The following TSPAN33 variants were observed in gnomAD, a reference collection of about 807,000 sequenced individuals.
TSPAN33 encodes tetraspanin-33.
Under a neutral mutation model 34.8 loss-of-function variants are expected in TSPAN33, and 27 were observed. The ratio of observed to expected loss-of-function variants is 0.78; its 90% CI spans 0.57 to 1.07. The LOEUF (loss-of-function observed/expected upper bound fraction) is 1.07, where lower values mean the gene tolerates loss of function less well. Among genes scored for constraint, TSPAN33 ranks in the 50% least tolerant of loss-of-function variants. TSPAN33 has a pLI of 0.00. For synonymous variants in TSPAN33, 119 were observed against 124.2 expected, an observed-to-expected ratio of 0.96 and a Z score of 0.28; for missense variants, 272 against 324.9, an observed-to-expected ratio of 0.84 and a Z score of 1.25.
chr7:129,154,340 A>C (rs549743212), intron 1 of TSPAN33, among the ~76,000 whole-genome samples: 4 of 152,082 alleles, frequency 2.6e-5, no homozygotes, highest in Admixed American at 2.6e-4. Flanking sequence ...GGGGGGAAGA[A>C]AAAAAGATCC....
chr7:129,146,982 A>T (rs1482174394), intron 1 of TSPAN33, among the ~76,000 whole-genome samples: 2 of 126,340 alleles, frequency 1.6e-5, no homozygotes, highest in Non-Finnish European at 3.4e-5. Context: ...CCTCCACCCT[A>T]CCCCCCTTTT....
chr7:129,155,946 G>A (rs536011083), intron 1 of TSPAN33, among the ~76,000 whole-genome samples: 35 of 151,990 alleles, frequency 2.3e-4, no homozygotes, highest in Admixed American at 2.2e-3. Context: ...GCCTAGGCTG[G>A]TCTCAAACTC....
chr7:129,162,590 C>A lies in TSPAN33; in HGVS notation c.288+69C>A. ...CATCATGCCTCTTAGCCTCCCACGGCCCTTTGGTTGCCTTGTCCTACCCTA... is the reference window on the plus strand; with the variant it reads ...CATCATGCCTCTTAGCCTCCCACGGACCTTTGGTTGCCTTGTCCTACCCTA... On this transcript the variant is annotated intron_variant, in intron 3 of 7. Transcript: ENST00000486685. 4 of 1,593,596 alleles carry A rather than the reference C, an allele frequency of 2.5e-6. No individual in the cohort carries two copies. The South Asian group carries it at 4.5e-5, about 18-fold the overall frequency.
chr7:129,149,294 A>T (rs745993877), intron 1 of TSPAN33, among the ~76,000 whole-genome samples: 38 of 152,226 alleles, frequency 2.5e-4, no homozygotes, highest in Non-Finnish European at 5.3e-4. Flanking sequence ...GCGGTGGCTC[A>T]TGCCTGTAAT....
chr7:129,161,682 AT>A lies in TSPAN33; in HGVS notation c.109del (p.Ser37ProfsTer3), dbSNP rs762750906. On this transcript the variant is annotated frameshift_variant, in exon 2 of 8. Coordinates refer to ENST00000486685, the MANE Select transcript of TSPAN33 (RefSeq NM_178562.5). LOFTEE classifies it high-confidence loss of function. ...LFFFNMLFWV[I>X]SMVMVAVGVY... Reference sequence around the variant, plus strand: ...GGCTCTTTTCCTGTCTCCACAGGTGATTTCCATGGTGATGGTGGCTGTGGGT... The same window carrying A: ...GGCTCTTTTCCTGTCTCCACAGGTGATTCCATGGTGATGGTGGCTGTGGGT... 2 of 1,614,046 alleles carry A rather than the reference AT, an allele frequency of 1.2e-6. No homozygotes were observed. Among genetic ancestry groups the A allele is most frequent in the South Asian group, 2.2e-5 (2 of 91,068 alleles).
At chr7:129,163,643 G>A (rs1228362062) in intron 4 of TSPAN33, among the ~76,000 whole-genome samples, 1 of 152,122 alleles carries the variant, frequency 6.6e-6, no homozygotes, top group East Asian at 1.9e-4. Flanking sequence ...AAAAGTAGTG[G>A]GGCAGGAAGG....
chr7:129,146,229 G>A (rs918243352), intron 1 of TSPAN33, among the ~76,000 whole-genome samples: 2 of 152,170 alleles, frequency 1.3e-5, no homozygotes, highest in African/African-American at 4.8e-5. Flanking sequence ...CACAGGGCCC[G>A]TGGGGTGAGG....
chr7:129,147,904 A>T (rs561278266), intron 1 of TSPAN33, among the ~76,000 whole-genome samples: 1 of 152,262 alleles, frequency 6.6e-6, no homozygotes, highest in Non-Finnish European at 1.5e-5. Context: ...CCTACTGTTC[A>T]TGTTTCAAAT....
In TSPAN33 at chr7:129,167,607, C is replaced by T. The variant is rs368584751; in HGVS notation, c.750+47C>T. Reference sequence around the variant, plus strand: ...GTTGGTCCCACACACTCTGTAAAGACTCCTTTGTTTTGGGGAAGGCACCTG... The same window carrying T: ...GTTGGTCCCACACACTCTGTAAAGATTCCTTTGTTTTGGGGAAGGCACCTG... On this transcript the variant is annotated intron_variant, in intron 7 of 7. Transcript: ENST00000486685. This position sits in a 1 kb window ranked among gnomAD's most constrained non-coding sequence, Gnocchi z 4.6. 2 of 1,599,414 alleles carry T rather than the reference C, an allele frequency of 1.3e-6. No homozygotes were observed. Among genetic ancestry groups the T allele is most frequent in the Non-Finnish European group, 1.7e-6 (2 of 1,170,602 alleles).
rs1237617694 is a variant in TSPAN33, at chr7:129,165,413, C to CT, written c.459+850dup. 3.9e-5 allele frequency among the ~76,000 whole-genome samples: 6 copies of CT among 152,320 alleles called. No homozygotes were observed. The highest frequency in any genetic ancestry group is 3.9e-4 in the Admixed American group (6 of 15,296). The stretch of plus-strand genomic sequence containing the variant: ...AATGAAGGGACTCACGGTATTAATG[C>CT]TTTTTTGAGTGGGTTATTTCACTTA... On this transcript the variant is annotated intron_variant, in intron 5 of 7. Transcript: ENST00000486685. The surrounding 1 kb of genome is among the most constrained non-coding windows in gnomAD (Gnocchi z 4.5).
At chr7:129,149,724 G>A (rs1234242201) in intron 1 of TSPAN33, among the ~76,000 whole-genome samples, 1 of 152,204 alleles carries the variant, frequency 6.6e-6, no homozygotes, top group Non-Finnish European at 1.5e-5. Flanking sequence ...GTGGCCTGAG[G>A]AAGATGCCAA....
At chr7:129,161,886 C>T (rs1048978074) in intron 2 of TSPAN33, 150 bp downstream of exon 2, 20 of 832,304 alleles carry the variant, frequency 2.4e-5, no homozygotes, top group Middle Eastern at 3.6e-4. Flanking sequence ...AGGTGTCAGA[C>T]CCCCCCAGGC....
intron 1 of TSPAN33, among the ~76,000 whole-genome samples, chr7:129,158,067 A>G (rs1792983479): frequency 1.3e-5 from 2 of 152,230 alleles, no homozygotes; most frequent in African/African-American, 4.8e-5. Context: ...TGTTAGAGGC[A>G]GCCCTCATTC....
At position 129,162,819 on chromosome 7, in the gene TSPAN33, C is replaced by A; in HGVS notation, c.289-14C>A. ...GAGTGGTCCTAGACGCCTCTTCTTC[C>A]TGCTGCTCCACAGTTCTCCCTCTGC... is the stretch of plus-strand genomic sequence containing the variant. On this transcript the variant is annotated splice_polypyrimidine_tract_variant and intron_variant, in intron 3 of 7. Transcript: ENST00000486685. 6.2e-7 allele frequency: 1 copy of A among 1,613,376 alleles called. No individual in the cohort carries two copies. Among genetic ancestry groups the A allele is most frequent in the South Asian group, 1.1e-5 (1 of 91,042 alleles).
chr7:129,156,779 G>T (rs532758938), intron 1 of TSPAN33, among the ~76,000 whole-genome samples: 19 of 152,178 alleles, frequency 1.2e-4, no homozygotes, highest in African/African-American at 4.3e-4. Context: ...GGCTCATCTC[G>T]TGCCTTTCCT....
rs1793189498 is a variant in TSPAN33 at position 129,169,138 on chromosome 7, A to C, written c.*1264A>C. Among the ~76,000 whole-genome samples the C allele has an allele frequency of 6.6e-6, 1 of 152,226 alleles. No homozygotes were observed. The highest frequency in any genetic ancestry group is 2.4e-5 in the African/African-American group (1 of 41,458). On this transcript the variant is annotated 3_prime_UTR_variant, in exon 8 of 8. Coordinates refer to ENST00000486685, the MANE Select transcript of TSPAN33 (RefSeq NM_178562.5). ...AACAGGAGGGGGATGGGGAGGAGGG[A>C]CATGAGCACTCCGCTGGGGCCGGGA...
intron 1 of TSPAN33, among the ~76,000 whole-genome samples, chr7:129,158,003 C>T (rs552608831): frequency 6.6e-6 from 1 of 152,216 alleles, no homozygotes; most frequent in Non-Finnish European, 1.5e-5. Flanking sequence ...ATACAGCAGC[C>T]CCGCATTCCT....
intron 2 of TSPAN33, 149 bp downstream of exon 2, chr7:129,161,885 AC>A (rs931320259): frequency 1.4e-5 from 12 of 867,018 alleles, no homozygotes; most frequent in South Asian, 1.7e-5. Context: ...TAGGTGTCAG[AC>A]CCCCCCAGGC....
chr7:129,148,907 G>A lies in TSPAN33; in HGVS notation c.102+3825G>A, dbSNP rs142131197. ...GCCACTCTCAGCACCATTTCTTTTC[G>A]TCTGGCTCAAAAACCATGAGGAAGT... On this transcript the variant is annotated intron_variant, in intron 1 of 7. Transcript: ENST00000486685. The surrounding 1 kb of genome is among the most constrained non-coding windows in gnomAD (Gnocchi z 4.2). 9.7e-4 allele frequency among the ~76,000 whole-genome samples: 147 copies of A among 152,074 alleles called. 1 individual carries two copies. Among genetic ancestry groups the A allele is most frequent in the Non-Finnish European group, 1.5e-3 (103 of 67,996 alleles).
Sources: allele counts gnomAD v4.1 joint callset (sites outside exome capture counted in the v4.1 genomes callset), GRCh38; gene constraint gnomAD v4.1.1; non-coding constraint Gnocchi (gnomAD v3.1); transcripts MANE v1.5; gene names NCBI Gene and HGNC (gene_info 2026-07-23, HGNC 2026-07-21).